The following SRGAP1 variants were observed in gnomAD, a reference collection of about 807,000 sequenced individuals.
SRGAP1 encodes the protein SLIT-ROBO Rho GTPase activating protein 1.
Under a neutral mutation model 121.9 loss-of-function variants are expected in SRGAP1, and 43 were observed. That is an observed-to-expected ratio of 0.35 (90% CI 0.28 to 0.46). SRGAP1 has a LOEUF of 0.46. Among genes scored for constraint, SRGAP1 ranks in the 20% least tolerant of loss-of-function variants. The probability of loss-of-function intolerance (pLI) is 1.00; values close to 1 mark genes in which losing one functional copy is unlikely to be tolerated. For synonymous variants in SRGAP1, 447 were observed against 485.4 expected, an observed-to-expected ratio of 0.92 and a Z score of 1.04; for missense variants, 1,102 against 1,350.9, an observed-to-expected ratio of 0.82 and a Z score of 2.89.
intron 1 of SRGAP1, among the ~76,000 whole-genome samples, chr12:63,864,171 C>T (rs546757066): frequency 1.3e-5 from 2 of 152,260 alleles, no homozygotes; most frequent in African/African-American, 4.8e-5. Context: ...TCTTTGAAGA[C>T]GGGAACTGTA....
intron 1 of SRGAP1, among the ~76,000 whole-genome samples, chr12:63,908,753 A>G (rs2030348776): frequency 6.6e-6 from 1 of 152,098 alleles, no homozygotes; most frequent in Non-Finnish European, 1.5e-5. Context: ...TAATACTGTA[A>G]ATGGGATTGC....
chr12:64,142,479 C>T lies in SRGAP1; in HGVS notation c.3065C>T (p.Pro1022Leu). 1 of 1,614,172 alleles carries T rather than the reference C, an allele frequency of 6.2e-7. No individual in the cohort carries two copies. The highest frequency in any genetic ancestry group is 1.7e-5 in the Admixed American group (1 of 60,024). ...AACGTTGCCCTCAGGAGCTCCGAGC[C>T]TCAGATTCGACGTAGCACGAGCTCC... ...LHNVALRSSE[P>L]QIRRSTSSSS... is the part of the protein sequence containing the mutation. Residue 1022 changes from proline to leucine, a missense_variant, in exon 22 of 22, where the codon CCT (proline) becomes CTT (leucine). This residue lies in a region of SRGAP1 where 315 missense variants were observed against 343.1 expected (regional missense o/e 0.92). Transcript: ENST00000355086.
At chr12:64,102,206 C>T (rs1396493603) in intron 15 of SRGAP1, among the ~76,000 whole-genome samples, 1 of 152,144 alleles carries the variant, frequency 6.6e-6, no homozygotes, top group African/African-American at 2.4e-5. Flanking sequence ...CGGCTTTTGC[C>T]ATTACTTTTA....
chr12:64,134,981 G>A (rs933350263), intron 21 of SRGAP1, among the ~76,000 whole-genome samples: 3 of 152,182 alleles, frequency 2.0e-5, no homozygotes, highest in African/African-American at 4.8e-5. Context: ...CTCCTGAGGA[G>A]AGTCAACATT....
intron 8 of SRGAP1, among the ~76,000 whole-genome samples, chr12:64,071,239 A>G (rs1031852959): frequency 2.8e-4 from 43 of 152,334 alleles, no homozygotes; most frequent in African/African-American, 9.1e-4. Context: ...ACCAAGAGAA[A>G]TGAAGAGAAT....
intron 1 of SRGAP1, among the ~76,000 whole-genome samples, chr12:63,940,976 G>T (rs1016895584): frequency 1.3e-5 from 2 of 152,088 alleles, no homozygotes; most frequent in African/African-American, 4.8e-5. Flanking sequence ...GATGAGAGCT[G>T]GGATTGTTTC....
intron 1 of SRGAP1, among the ~76,000 whole-genome samples, chr12:63,906,504 G>A (rs184450678): frequency 2.0e-3 from 301 of 151,936 alleles, no homozygotes; most frequent in African/African-American, 6.9e-3. Flanking sequence ...TAGTAGAGAC[G>A]GGGTTTCACC....
chr12:64,106,798 A>G (rs1403641182), intron 15 of SRGAP1, among the ~76,000 whole-genome samples: 4 of 152,218 alleles, frequency 2.6e-5, no homozygotes, highest in East Asian at 3.8e-4. Context: ...TGTATGCAAT[A>G]GACGTAACCC....
chr12:64,091,201 A>G, intron 11 of SRGAP1, 75 bp from the exon 12 acceptor site: 1 of 1,043,904 alleles, frequency 9.6e-7, no homozygotes, highest in South Asian at 2.4e-5. Context: ...GTTTTGTAAT[A>G]TTGATGTGAC....
chr12:63,888,082 T>C (rs558711273), intron 1 of SRGAP1: 4 of 152,328 alleles, frequency 2.6e-5, no homozygotes, highest in African/African-American at 7.2e-5. Flanking sequence ...TTTTTCTCTT[T>C]CTTCTGGGTG....
At chr12:63,919,397 T>C in intron 1 of SRGAP1, among the ~76,000 whole-genome samples, 1 of 152,028 alleles carries the variant, frequency 6.6e-6, no homozygotes, top group South Asian at 2.1e-4. Flanking sequence ...AATATATATT[T>C]GTATATTAAT....
chr12:63,995,394 G>A (rs906298642), intron 3 of SRGAP1, among the ~76,000 whole-genome samples: 1 of 152,134 alleles, frequency 6.6e-6, no homozygotes, highest in African/African-American at 2.4e-5. Context: ...GAAACAAAAT[G>A]CTCAGGAGTA....
chr12:63,969,447 A>G (rs2032876561), intron 1 of SRGAP1, among the ~76,000 whole-genome samples: 1 of 152,166 alleles, frequency 6.6e-6, no homozygotes, highest in African/African-American at 2.4e-5. Context: ...TGCTGGCCCA[A>G]GAGTAAAGTC....
At chr12:64,110,998 C>T (rs2036422430) in intron 16 of SRGAP1, among the ~76,000 whole-genome samples, 1 of 152,126 alleles carries the variant, frequency 6.6e-6, no homozygotes, top group Non-Finnish European at 1.5e-5. Flanking sequence ...TGAAAGATAA[C>T]ATATCTAAAC....
At chr12:63,975,400 T>C (rs1372797448) in intron 1 of SRGAP1, among the ~76,000 whole-genome samples, 1 of 152,198 alleles carries the variant, frequency 6.6e-6, no homozygotes, top group Admixed American at 6.5e-5. Flanking sequence ...TTCCCTCATA[T>C]CCTAGAGGAG....
At position 63,912,949 on chromosome 12, in the gene SRGAP1, A is replaced by G. The variant is rs1273733965; in HGVS notation, c.67+68066A>G. 2.4e-4 allele frequency among the ~76,000 whole-genome samples: 36 copies of G among 152,096 alleles called. 1 individual carries two copies. The highest frequency in any genetic ancestry group is 2.4e-3 in the Admixed American group (36 of 15,270). On this transcript the variant is annotated intron_variant, in intron 1 of 21. Transcript: ENST00000355086. ...TGGGGTTGCTTACAACAACATTTTA[A>G]ATACCCAGTAGAGGAGTCAAGTGCT...
rs750351170 is a variant in SRGAP1, at chr12:64,150,934, C to CAAAAAAAAAAAAAAAAAA, written c.*8271_*8288dup. 75 of 24,710 alleles carry CAAAAAAAAAAAAAAAAAA rather than the reference C, an allele frequency of 3.0e-3. 13 individuals are homozygous for CAAAAAAAAAAAAAAAAAA. The highest frequency in any genetic ancestry group is 5.3e-3 in the Non-Finnish European group (51 of 9,644). 1.5% of individuals were successfully genotyped at this position (24,710 alleles called of 1,614,324 possible). On this transcript the variant is annotated 3_prime_UTR_variant, in exon 22 of 22. Coordinates refer to ENST00000355086, the MANE Select transcript of SRGAP1 (RefSeq NM_020762.4). ...TGGGTGGAAGAGTGAGAAGCTATCT[C>CAAAAAAAAAAAAAAAAAA]AAAAAAAAAAAAAAAAAAAAAAAAA...
At chr12:64,000,054 G>A (rs1350508261) in intron 3 of SRGAP1, among the ~76,000 whole-genome samples, 2 of 152,098 alleles carry the variant, frequency 1.3e-5, no homozygotes, top group Non-Finnish European at 2.9e-5. Context: ...GGTCCATGAT[G>A]TCCACTGAAC....
chr12:64,079,327 CTGGTA>C (rs2136562859), intron 9 of SRGAP1, among the ~76,000 whole-genome samples: 1 of 152,122 alleles, frequency 6.6e-6, no homozygotes, highest in Admixed American at 6.5e-5. Context: ...AGTTAGAGGA[CTGGTA>C]TAAAACAGTA....
Sources: allele counts gnomAD v4.1 joint callset (sites outside exome capture counted in the v4.1 genomes callset), GRCh38; gene constraint gnomAD v4.1.1; regional missense constraint gnomAD v4.1.1; transcripts MANE v1.5; gene names NCBI Gene and HGNC (gene_info 2026-07-23, HGNC 2026-07-21).